Variants in PGR observed in about 807,000 individuals in gnomAD.
The protein encoded by PGR is progesterone receptor, also known as nuclear receptor subfamily 3 group C member 3.
Under a neutral mutation model 76.1 loss-of-function variants are expected in PGR, and 25 were observed. The observed-to-expected ratio is 0.33, with a 90% confidence interval of 0.24 to 0.46. The LOEUF is 0.46. PGR is among the 20% of genes least tolerant of loss of function. The pLI, the probability that PGR is intolerant of heterozygous loss-of-function variation, is 1.00. For missense variants in PGR, 1,172 were observed against 1,225.3 expected (o/e 0.96, Z 0.65); for synonymous variants, 579 against 535.0 (o/e 1.08, Z -1.14).
chr11:101,088,846 T>C (rs1349119786), intron 3 of PGR, among the ~76,000 whole-genome samples: 2 of 152,224 alleles, frequency 1.3e-5, no homozygotes, highest in Non-Finnish European at 2.9e-5. Flanking sequence ...TGGAATATTA[T>C]GCAGCCATGA....
At chr11:101,103,272 G>A (rs1275742852) in intron 2 of PGR, among the ~76,000 whole-genome samples, 3 of 152,086 alleles carry the variant, frequency 2.0e-5, no homozygotes, top group African/African-American at 7.2e-5. Context: ...AATTCCCAAG[G>A]ATGGAGCAGA....
At chr11:101,061,187 T>G (rs962645536) in intron 4 of PGR, among the ~76,000 whole-genome samples, 2 of 152,208 alleles carry the variant, frequency 1.3e-5, no homozygotes, top group Non-Finnish European at 2.9e-5. Flanking sequence ...TTTTATTTAT[T>G]AAAGCTCTGT....
chr11:101,042,086 T>C lies in PGR; in HGVS notation c.2505A>G (p.Leu835=). The C allele has an allele frequency of 6.2e-7, 1 of 1,613,530 alleles. No homozygotes were observed. The highest frequency in any genetic ancestry group is 8.5e-7 in the Non-Finnish European group (1 of 1,179,638). The stretch of plus-strand genomic sequence containing the variant: ...TCTCCTCAAACTGGGTTTGACTTCG[T>C]AGCCCTTCCAAAGGAACTGTTAAGA... ...LLLNTIPLEG[L]RSQTQFEEMR... Residue 835 remains leucine (L), a synonymous_variant, in exon 7 of 8, where the codon CTA becomes CTG. Transcript: ENST00000325455.
At chr11:101,115,259 T>C (rs1318172849) in intron 2 of PGR, among the ~76,000 whole-genome samples, 1 of 152,066 alleles carries the variant, frequency 6.6e-6, no homozygotes, top group Admixed American at 6.6e-5. Context: ...TCTAGCATGC[T>C]ATCCTTTCCA....
chr11:101,064,619 T>C (rs1288562320), intron 3 of PGR, among the ~76,000 whole-genome samples: 1 of 152,092 alleles, frequency 6.6e-6, no homozygotes, highest in African/African-American at 2.4e-5. Flanking sequence ...TCCCTGTCCA[T>C]GACTATAATC....
chr11:101,122,854 T>C (rs1862721801), intron 2 of PGR, among the ~76,000 whole-genome samples: 1 of 152,186 alleles, frequency 6.6e-6, no homozygotes, highest in Non-Finnish European at 1.5e-5. Context: ...TGTCTTCTTA[T>C]TGCTGCCCTA....
Position 101,128,198 on chromosome 11 carries a change from G to A in PGR, c.873C>T (p.Pro291=). ...CCGTGGTGGCCAGCGGGGAGCGCCCGGGCGCCATCGGCGCGTCCTGCTCCA... is the reference window on the plus strand; with the variant it reads ...CCGTGGTGGCCAGCGGGGAGCGCCCAGGCGCCATCGGCGCGTCCTGCTCCA... ...ALVEQDAPMA[P]GRSPLATTVM... is the part of the protein sequence containing the mutation. Residue 291 remains proline, a synonymous_variant, in exon 1 of 8, where the codon CCC becomes CCT. Transcript: ENST00000325455. 6.3e-7 allele frequency: 1 copy of A among 1,598,354 alleles called. No individual in the cohort carries two copies. Among genetic ancestry groups the A allele is most frequent in the Non-Finnish European group, 8.5e-7 (1 of 1,179,584 alleles).
At chr11:101,121,959 G>T (rs1303236984) in intron 2 of PGR, among the ~76,000 whole-genome samples, 1 of 152,058 alleles carries the variant, frequency 6.6e-6, no homozygotes, top group African/African-American at 2.4e-5. Context: ...GAGGTTAGGA[G>T]ATTGAGACCA....
chr11:101,112,898 T>C (rs565186), intron 2 of PGR, among the ~76,000 whole-genome samples: 17,823 of 152,238 alleles, frequency 0.12, 1,355 homozygotes, highest in Non-Finnish European at 0.16. Context: ...ATTTACTATT[T>C]ATCTGTGCAA....
intron 2 of PGR, among the ~76,000 whole-genome samples, chr11:101,110,149 T>A (rs1313429368): frequency 6.6e-6 from 1 of 152,178 alleles, no homozygotes; most frequent in African/African-American, 2.4e-5. Flanking sequence ...TAACACAACA[T>A]CTATTCTGCA....
rs749208871 is a variant in PGR, at chr11:101,127,785, G to T, written c.1286C>A (p.Ala429Glu). The T allele has an allele frequency of 1.3e-6, 2 of 1,563,480 alleles. No homozygotes were observed. Among genetic ancestry groups the T allele is most frequent in the East Asian group, 2.3e-5 (1 of 43,090 alleles). Residue 429 changes from alanine to glutamate, a missense_variant, in exon 1 of 8, where the codon GCG (alanine) becomes GAG (glutamate). By Grantham distance (107) the Ala-to-Glu change is moderately radical. This residue lies in a region of PGR where 893 missense variants were observed against 785.9 expected (regional missense o/e 1.14). Coordinates refer to ENST00000325455, the MANE Select transcript of PGR (RefSeq NM_000926.4). ...CGCTTCCCCGGGTCTGGATGGGGTC[G>T]CTCGCGGCGGCAGCGGGGGCGGTGG... ...LGPPPPLPPR[A>E]TPSRPGEAAV...
At chr11:101,126,308 G>A (rs960374130) in intron 1 of PGR, 150 bp from the exon 2 acceptor site, 7 of 735,086 alleles carry the variant, frequency 9.5e-6, no homozygotes, top group Non-Finnish European at 4.7e-6. Context: ...ACTAAACTTG[G>A]TAATAGACTA....
In PGR at chr11:101,129,272, T is replaced by G; in HGVS notation, c.-202A>C. The stretch of plus-strand genomic sequence containing the variant: ...CCTGCCCTTGGCCTCCATCCTGTCG[T>G]CAGGGGAACTGTGGCTGTCGTTTGT... On this transcript the variant is annotated 5_prime_UTR_variant, in exon 1 of 8. Transcript: ENST00000325455. 1 of 522,630 alleles carries G rather than the reference T, an allele frequency of 1.9e-6. No individual in the cohort carries two copies. Among genetic ancestry groups the G allele is most frequent in the South Asian group, 3.4e-5 (1 of 29,140 alleles). The allele number at this position is 522,630 out of a possible 1,614,324, so 32.4% of individuals were successfully genotyped here.
intron 2 of PGR, among the ~76,000 whole-genome samples, chr11:101,103,422 C>A (rs576460391): frequency 6.6e-6 from 1 of 152,186 alleles, no homozygotes; most frequent in African/African-American, 2.4e-5. Context: ...CACTGGTGAG[C>A]AGCAGGGCAG....
chr11:101,127,678 C>A lies in PGR; in HGVS notation c.1393G>T (p.Ala465Ser), dbSNP rs1171387034. 38 of 1,572,384 alleles carry A rather than the reference C, an allele frequency of 2.4e-5. No individual in the cohort carries two copies. Among genetic ancestry groups the A allele is most frequent in the Non-Finnish European group, 3.2e-5 (37 of 1,168,256 alleles). The change falls in exon 1 of 8, where the codon GCG (alanine) becomes TCG (serine). Residue 465 changes from alanine (A) to serine (S), a missense_variant. Ala to Ser is a moderately conservative substitution (Grantham distance 99, BLOSUM62 1). Coordinates refer to ENST00000325455, the MANE Select transcript of PGR (RefSeq NM_000926.4). ...CCCTGCTGGGGCGGCGCGCCCTCCGCTTTGTACAGGATGCACTCCAGGGTC... is the reference window on the plus strand; with the variant it reads ...CCCTGCTGGGGCGGCGCGCCCTCCGATTTGTACAGGATGCACTCCAGGGTC... ...GSTLECILYK[A>S]EGAPPQQGPF... is the part of the protein sequence containing the mutation.
intron 2 of PGR, among the ~76,000 whole-genome samples, chr11:101,108,446 C>G (rs1198520979): frequency 6.6e-6 from 1 of 152,038 alleles, no homozygotes; most frequent in Non-Finnish European, 1.5e-5. Context: ...GAGCTATGAT[C>G]ATGCCACTGC....
chr11:101,042,200 T>C (rs2135380052), intron 6 of PGR, 98 bp from the exon 7 acceptor site: 4 of 1,249,446 alleles, frequency 3.2e-6, no homozygotes, highest in Non-Finnish European at 4.5e-6. Context: ...TTTCTTCTGA[T>C]ACATGACTCT....
intron 2 of PGR, among the ~76,000 whole-genome samples, chr11:101,112,988 G>T (rs1048035405): frequency 6.6e-6 from 1 of 152,160 alleles, no homozygotes; most frequent in African/African-American, 2.4e-5. Flanking sequence ...CCACTATTAT[G>T]AAATGTGTTC....
intron 7 of PGR, 90 bp from the exon 8 acceptor site, chr11:101,039,361 T>A (rs989620493): frequency 5.2e-6 from 5 of 967,670 alleles, no homozygotes; most frequent in Non-Finnish European, 6.4e-6. Context: ...TTCTAACTAT[T>A]TATAATATAA....
Sources: allele counts gnomAD v4.1 joint callset (sites outside exome capture counted in the v4.1 genomes callset), GRCh38; gene constraint gnomAD v4.1.1; regional missense constraint gnomAD v4.1.1; transcripts MANE v1.5; gene names NCBI Gene and HGNC (gene_info 2026-07-23, HGNC 2026-07-21).